GBF1: variants seen among roughly 807,000 people sequenced by gnomAD.
GBF1 encodes golgi brefeldin A resistant guanine nucleotide exchange factor 1, also known as Golgi-specific brefeldin A-resistance guanine nucleotide exchange factor 1.
Under a neutral mutation model 210.5 loss-of-function variants are expected in GBF1, and 114 were observed. That is an observed-to-expected ratio of 0.54 (90% CI 0.47 to 0.63). GBF1 has a LOEUF of 0.63. Among genes scored for constraint, GBF1 ranks in the 30% least tolerant of loss-of-function variants. GBF1 has a pLI of 0.00. For synonymous variants in GBF1, 850 were observed against 889.2 expected, an observed-to-expected ratio of 0.96 and a Z score of 0.78; for missense variants, 1,851 against 2,357.7, an observed-to-expected ratio of 0.79 and a Z score of 4.45.
At chr10:102,371,056 T>C (rs2060179907) in intron 29 of GBF1, among the ~76,000 whole-genome samples, 196 bp downstream of exon 29, 1 of 152,184 alleles carries the variant, frequency 6.6e-6, no homozygotes, top group South Asian at 2.1e-4. Context: ...ATGGAGCTTG[T>C]GTTTGGCACC....
chr10:102,328,486 C>CA (rs987757033), intron 3 of GBF1, among the ~76,000 whole-genome samples: 17 of 151,552 alleles, frequency 1.1e-4, no homozygotes, highest in East Asian at 7.7e-4. Flanking sequence ...AACCCTCTCT[C>CA]AAAAAAAATA....
intron 13 of GBF1, 50 bp downstream of exon 13, chr10:102,361,170 T>C (rs750225991): frequency 4.2e-6 from 4 of 954,880 alleles, no homozygotes; most frequent in Admixed American, 3.4e-5. Context: ...TAGGGAGATA[T>C]ATGGCATCTT....
chr10:102,323,825 GT>G (rs2056655508), intron 3 of GBF1, among the ~76,000 whole-genome samples: 2 of 152,046 alleles, frequency 1.3e-5, no homozygotes, highest in Admixed American at 1.3e-4. Context: ...CTTCACATTT[GT>G]TTTCCTGGAT....
At chr10:102,264,093 A>G (rs1276237839) in intron 3 of GBF1, among the ~76,000 whole-genome samples, 1 of 152,228 alleles carries the variant, frequency 6.6e-6, no homozygotes, top group African/African-American at 2.4e-5. Flanking sequence ...TGGTTGCACA[A>G]CTTTGTGAGT....
rs1280574033 is a variant in GBF1, at chr10:102,375,480, G to A, written c.3782G>A (p.Gly1261Asp). ...LKTNAANIHS[G>D]DDWATLFTLL... is the part of the protein sequence containing the mutation. ...ACCAATGCAGCCAACATCCACTCAG[G>A]TGATGACTGGGCCACACTCTTCACA... The change falls in exon 30 of 40, where the codon GGT becomes GAT. Residue 1261 changes from glycine (G) to aspartate (D), a missense_variant. Physicochemically the swap from Gly to Asp is moderately conservative, Grantham distance 94. Around this residue, in one of 3 missense-constraint regions of GBF1, gnomAD observed 967 missense variants for 1,247.7 expected, o/e 0.78. Coordinates refer to ENST00000369983, the MANE Select transcript of GBF1 (RefSeq NM_001377137.1). 5.6e-6 allele frequency: 9 copies of A among 1,613,572 alleles called. No homozygotes were observed. Among genetic ancestry groups the A allele is most frequent in the Non-Finnish European group, 5.9e-6 (7 of 1,179,472 alleles).
chr10:102,354,247 G>A (rs1387568206), intron 8 of GBF1, among the ~76,000 whole-genome samples: 1 of 152,166 alleles, frequency 6.6e-6, no homozygotes, highest in Non-Finnish European at 1.5e-5. Flanking sequence ...CCTTAGCTGT[G>A]TGATGCATGC....
chr10:102,365,370 T>C, intron 17 of GBF1, 27 bp from the exon 18 acceptor site: 1 of 1,584,512 alleles, frequency 6.3e-7, no homozygotes, highest in East Asian at 2.2e-5. Flanking sequence ...CAAAGTAGCT[T>C]CTATACCTCT....
rs935852087 is a variant in GBF1, at chr10:102,344,207, G to T, written c.295+25G>T. The T allele has an allele frequency of 6.2e-6, 10 of 1,612,028 alleles. No individual in the cohort carries two copies. In the Admixed American group the frequency reaches 8.3e-5, roughly 13 times the overall value. On this transcript the variant is annotated intron_variant, in intron 4 of 39. Coordinates refer to ENST00000369983, the MANE Select transcript of GBF1 (RefSeq NM_001377137.1). ...GGTAAGAGCTCAGGCTTTGTTGCATGACCACAGCACTTCATTTCCCACCTT... is the reference window on the plus strand; with the variant it reads ...GGTAAGAGCTCAGGCTTTGTTGCATTACCACAGCACTTCATTTCCCACCTT...
chr10:102,253,954 G>A (rs1228392284), intron 1 of GBF1, among the ~76,000 whole-genome samples: 1 of 152,072 alleles, frequency 6.6e-6, no homozygotes. Flanking sequence ...TTCCTATTCT[G>A]TGAAACACCT....
chr10:102,351,177 C>T (rs922221559), intron 4 of GBF1, 79 bp from the exon 5 acceptor site: 42 of 827,208 alleles, frequency 5.1e-5, no homozygotes, highest in Non-Finnish European at 8.2e-5. Flanking sequence ...AAAACTGTCT[C>T]TCAAAGCTAG....
chr10:102,268,833 G>T (rs1298604616), intron 3 of GBF1, among the ~76,000 whole-genome samples: 3 of 152,180 alleles, frequency 2.0e-5, no homozygotes, highest in African/African-American at 7.2e-5. Flanking sequence ...TATGGAAAGG[G>T]TGAGTACATT....
intron 3 of GBF1, among the ~76,000 whole-genome samples, chr10:102,313,716 G>A (rs1394279635): frequency 6.6e-6 from 1 of 152,132 alleles, no homozygotes; most frequent in Admixed American, 6.5e-5. Flanking sequence ...GTCATTAGGT[G>A]ACTTGGAACT....
intron 28 of GBF1, 54 bp downstream of exon 28, chr10:102,370,532 A>G: frequency 6.9e-7 from 1 of 1,441,932 alleles, no homozygotes; most frequent in South Asian, 1.1e-5. Context: ...TGCCAAAGGG[A>G]TGGAAGCCAT....
intron 1 of GBF1, among the ~76,000 whole-genome samples, 186 bp downstream of exon 1, chr10:102,245,967 T>A: frequency 6.6e-6 from 1 of 152,208 alleles, no homozygotes; most frequent in Admixed American, 6.5e-5. Context: ...GCAAAGGTCA[T>A]GCCTCTGCCG....
At chr10:102,344,323 G>A in intron 4 of GBF1, 141 bp downstream of exon 4, 1 of 737,508 alleles carries the variant, frequency 1.4e-6, no homozygotes, top group Non-Finnish European at 2.3e-6. Flanking sequence ...AAATAGGATT[G>A]TTGTTGGTTA....
chr10:102,368,107 C>G (rs2060006692), intron 21 of GBF1, 111 bp from the exon 22 acceptor site: 1 of 736,994 alleles, frequency 1.4e-6, no homozygotes, highest in African/African-American at 1.7e-5. Flanking sequence ...AGCTGCAGTT[C>G]TGATGACCTC....
rs2059726415 is a variant in GBF1, at chr10:102,363,465, G to A, written c.2017+69G>A. 2.0e-5 allele frequency: 29 copies of A among 1,428,646 alleles called. No individual in the cohort carries two copies. The South Asian group carries it at 3.4e-4, about 17-fold the overall frequency. 88.5% of individuals were successfully genotyped at this position (1,428,646 alleles called of 1,614,324 possible). ...GCCTGGTGAAGAGCAGAGGGAGGGA[G>A]CAGACACCTAGGATAGTAACTAAGC... On this transcript the variant is annotated intron_variant, in intron 16 of 39. Transcript: ENST00000369983. The surrounding 1 kb of genome is among the most constrained non-coding windows in gnomAD (Gnocchi z 4.2).
Position 102,362,679 on chromosome 10 carries a change from T to C in GBF1, c.1876+15T>C. 6.2e-7 allele frequency: 1 copy of C among 1,600,256 alleles called. No individual in the cohort carries two copies. The highest frequency in any genetic ancestry group is 8.6e-7 in the Non-Finnish European group (1 of 1,167,572). On this transcript the variant is annotated intron_variant, in intron 15 of 39. Transcript: ENST00000369983. ...AGCTAGCAATAGTGAGAGGCATTTC[T>C]TTCTTTGATGAACCCAGTGTTCTAT... is the stretch of plus-strand genomic sequence containing the variant.
chr10:102,370,577 AG>A (rs2060151625), intron 28 of GBF1, 99 bp downstream of exon 28: 12 of 1,295,156 alleles, frequency 9.3e-6, no homozygotes, highest in Non-Finnish European at 1.3e-5. Flanking sequence ...TGTAGGCAGC[AG>A]GGGAGAAGCT....
Sources: gnomAD v4.1 joint callset for allele counts (sites outside exome capture counted in the v4.1 genomes callset) on GRCh38, gnomAD v4.1.1 for gene constraint, gnomAD v4.1.1 regional missense constraint, Gnocchi (gnomAD v3.1) non-coding constraint, MANE v1.5 for transcripts, NCBI Gene and HGNC (gene_info 2026-07-23, HGNC 2026-07-21) for gene names.